Variants in NFIB observed in about 807,000 individuals in gnomAD.
NFIB encodes nuclear factor 1 B-type.
A neutral mutation model predicts 61.5 loss-of-function variants in NFIB; 11 were observed. The ratio of observed to expected loss-of-function variants is 0.18; its 90% CI spans 0.11 to 0.30. NFIB has a LOEUF of 0.30. Among genes scored for constraint, NFIB ranks in the 10% least tolerant of loss-of-function variants. The pLI, the probability that NFIB is intolerant of heterozygous loss-of-function variation, is 1.00. For synonymous variants in NFIB, 260 were observed against 216.5 expected (o/e 1.20, Z -1.76); for missense variants, 471 against 608.9 (o/e 0.77, Z 2.38).
intron 3 of NFIB, among the ~76,000 whole-genome samples, chr9:14,178,706 A>G (rs1177878391): frequency 6.6e-6 from 1 of 152,182 alleles, no homozygotes; most frequent in Non-Finnish European, 1.5e-5. Context: ...GTATCTTTCT[A>G]AAATCATTTT....
intron 3 of NFIB, among the ~76,000 whole-genome samples, chr9:14,163,073 A>G (rs1307252178): frequency 1.3e-5 from 2 of 152,086 alleles, no homozygotes; most frequent in African/African-American, 2.4e-5. Flanking sequence ...TCCCTAAAAT[A>G]TAGGTAATAA....
chr9:14,108,812 G>A (rs1371096426), intron 10 of NFIB, among the ~76,000 whole-genome samples: 1 of 152,086 alleles, frequency 6.6e-6, no homozygotes, highest in African/African-American at 2.4e-5. Flanking sequence ...GAAGGCAAAA[G>A]TGAGCTCCTA....
Position 14,378,821 on chromosome 9 carries a change from C to A in NFIB, c.108+19703G>T, listed in dbSNP as rs77116524. On this transcript the variant is annotated intron_variant, in intron 1 of 8. Transcript: ENST00000380934. Reference sequence around the variant, plus strand: ...CTGGAGGGACCTATCCCATCCCTGCCCACCCTCCGGCCCTACAGAAGAGAT... The same window carrying A: ...CTGGAGGGACCTATCCCATCCCTGCACACCCTCCGGCCCTACAGAAGAGAT... 2.6e-4 allele frequency among the ~76,000 whole-genome samples: 40 copies of A among 152,272 alleles called. No homozygotes were observed. In the East Asian group the frequency reaches 7.3e-3, roughly 28 times the overall value.
chr9:14,504,133 T>C, the NFIB span, among the ~76,000 whole-genome samples: 2 of 152,320 alleles, frequency 1.3e-5, no homozygotes, highest in East Asian at 3.9e-4. Flanking sequence ...GCTATAAGTA[T>C]TTGAAGTACT....
intron 6 of NFIB, among the ~76,000 whole-genome samples, chr9:14,132,452 T>G (rs1032522981): frequency 4.6e-5 from 7 of 152,192 alleles, no homozygotes; most frequent in African/African-American, 1.7e-4. Context: ...GCTATAATCA[T>G]TGTTAAAATA....
At chr9:14,353,152 G>A (rs1232779026) in intron 1 of NFIB, among the ~76,000 whole-genome samples, 1 of 152,146 alleles carries the variant, frequency 6.6e-6, no homozygotes, top group Non-Finnish European at 1.5e-5. Context: ...TGGGTAGGTA[G>A]CTACTACCAA....
chr9:14,120,509 G>T lies in NFIB; in HGVS notation c.1176C>A (p.His392Gln). The T allele has an allele frequency of 1.2e-6, 2 of 1,614,144 alleles. No homozygotes were observed. Among genetic ancestry groups the T allele is most frequent in the Middle Eastern group, 1.6e-4 (1 of 6,062 alleles). The stretch of plus-strand genomic sequence containing the variant: ...TCTTCAGAGTATCCTGAGGATTCAG[G>T]TGGGGAGGATATCTGATTGTTGGAT... ...FSHPTIRYPP[H>Q]LNPQDTLKNY... Residue 392 changes from histidine to glutamine, a missense_variant, in exon 8 of 11, where the codon CAC becomes CAA. Around this residue, in one of 2 missense-constraint regions of NFIB, gnomAD observed 372 missense variants for 395.6 expected, o/e 0.94. Coordinates refer to ENST00000380953, the MANE Select transcript of NFIB (RefSeq NM_001190737.2). The surrounding 1 kb of genome is among the most constrained non-coding windows in gnomAD (Gnocchi z 4.4).
At chr9:14,295,693 C>T (rs1001744851) in intron 2 of NFIB, among the ~76,000 whole-genome samples, 1 of 152,124 alleles carries the variant, frequency 6.6e-6, no homozygotes, top group Non-Finnish European at 1.5e-5. Context: ...ACATCATCAT[C>T]ACTTCTGCCG....
chr9:14,294,756 G>A (rs2059316345), intron 2 of NFIB, among the ~76,000 whole-genome samples: 2 of 152,186 alleles, frequency 1.3e-5, no homozygotes, highest in Admixed American at 1.3e-4. Flanking sequence ...CTAGGTACGT[G>A]ATACACTTAT....
intron 2 of NFIB, among the ~76,000 whole-genome samples, chr9:14,263,740 G>A (rs1588009886): frequency 6.6e-6 from 1 of 152,114 alleles, no homozygotes; most frequent in Non-Finnish European, 1.5e-5. Flanking sequence ...TGGAGTTTAG[G>A]GATAGCAAAA....
chr9:14,178,932 G>A (rs75345298), intron 3 of NFIB, among the ~76,000 whole-genome samples: 3,800 of 152,248 alleles, frequency 0.025, 172 homozygotes, highest in African/African-American at 0.086. Flanking sequence ...TGGGGGGCAT[G>A]TGTAGCTGGT....
chr9:14,249,887 G>A (rs1032983604), intron 2 of NFIB, among the ~76,000 whole-genome samples: 1 of 152,094 alleles, frequency 6.6e-6, no homozygotes, highest in African/African-American at 2.4e-5. Flanking sequence ...GATAAATAGA[G>A]GAATTCCGGA....
chr9:14,336,683 T>G (rs541137283), intron 1 of NFIB, among the ~76,000 whole-genome samples: 1 of 152,254 alleles, frequency 6.6e-6, no homozygotes. Context: ...GCCCAGAGCC[T>G]GTGCTTAGAA....
At chr9:14,413,496 G>C in the NFIB span, among the ~76,000 whole-genome samples, 1 of 152,240 alleles carries the variant, frequency 6.6e-6, no homozygotes, top group African/African-American at 2.4e-5. Flanking sequence ...TTTAACCACA[G>C]AGAGTTTTGC....
At chr9:14,103,632 A>T (rs2036098611) in intron 10 of NFIB, among the ~76,000 whole-genome samples, 1 of 152,242 alleles carries the variant, frequency 6.6e-6, no homozygotes, top group African/African-American at 2.4e-5. Flanking sequence ...GAGCTTCTGC[A>T]CACACTAAGT....
intron 1 of NFIB, among the ~76,000 whole-genome samples, chr9:14,378,708 G>A (rs892633555): frequency 1.3e-5 from 2 of 152,162 alleles, no homozygotes; most frequent in Admixed American, 1.3e-4. Flanking sequence ...GGTTTGTTTA[G>A]GTGAACAGGC....
chr9:14,322,552 G>A (rs1037701729), intron 1 of NFIB, among the ~76,000 whole-genome samples: 38 of 152,170 alleles, frequency 2.5e-4, no homozygotes, highest in African/African-American at 8.7e-4. Flanking sequence ...CGCCTCCCTG[G>A]CTTTCTCTTT....
the NFIB span, among the ~76,000 whole-genome samples, chr9:14,460,687 G>C: frequency 6.6e-6 from 1 of 152,092 alleles, no homozygotes; most frequent in Non-Finnish European, 1.5e-5. Flanking sequence ...AAATAAATTA[G>C]TATGCAGATA....
At chr9:14,421,356 G>T in the NFIB span, among the ~76,000 whole-genome samples, 1 of 152,162 alleles carries the variant, frequency 6.6e-6, no homozygotes, top group Non-Finnish European at 1.5e-5. Context: ...ATACTTTGGG[G>T]CATGGTAGAG....
Sources: gnomAD v4.1 joint callset for allele counts (sites outside exome capture counted in the v4.1 genomes callset) on GRCh38, gnomAD v4.1.1 for gene constraint, gnomAD v4.1.1 regional missense constraint, Gnocchi (gnomAD v3.1) non-coding constraint, MANE v1.5 for transcripts, NCBI Gene and HGNC (gene_info 2026-07-23, HGNC 2026-07-21) for gene names.